Variants in ASTN2 observed in about 807,000 individuals in gnomAD.
ASTN2 encodes the protein astrotactin 2.
ASTN2 carries 54 observed loss-of-function variants against 139.8 expected under a neutral mutation model. The observed-to-expected ratio is 0.39, with a 90% CI of 0.31 to 0.48. The LOEUF is 0.48. ASTN2 is among the 20% of genes least tolerant of loss of function. ASTN2 has a pLI of 0.95. For missense variants in ASTN2, 1,565 were observed against 1,725.1 expected (o/e 0.91, Z 1.64); for synonymous variants, 756 against 719.5 (o/e 1.05, Z -0.81).
At chr9:117,142,550 C>G (rs1344966539) in intron 3 of ASTN2, among the ~76,000 whole-genome samples, 1 of 152,106 alleles carries the variant, frequency 6.6e-6, no homozygotes, top group Non-Finnish European at 1.5e-5. Flanking sequence ...AACACCTTGT[C>G]CAATATTCCG....
At chr9:117,001,200 G>C (rs78135233) in intron 7 of ASTN2, among the ~76,000 whole-genome samples, 7 of 152,128 alleles carry the variant, frequency 4.6e-5, no homozygotes, top group African/African-American at 1.7e-4. Flanking sequence ...TTTAAGGAAT[G>C]ATAACCAGTG....
At chr9:117,095,054 C>G (rs923925076) in intron 5 of ASTN2, among the ~76,000 whole-genome samples, 6 of 152,332 alleles carry the variant, frequency 3.9e-5, no homozygotes, top group African/African-American at 1.4e-4. Context: ...AGCTACTTCT[C>G]AGCACACCTC....
chr9:116,679,831 C>A (rs1859734256), intron 16 of ASTN2, among the ~76,000 whole-genome samples: 1 of 152,050 alleles, frequency 6.6e-6, no homozygotes, highest in South Asian at 2.1e-4. Flanking sequence ...CCAATGAGAA[C>A]AAAGACACAA....
At chr9:116,863,502 G>A (rs140655605) in intron 11 of ASTN2, 81 bp downstream of exon 11, 17 of 1,538,466 alleles carry the variant, frequency 1.1e-5, no homozygotes, top group South Asian at 7.5e-5. Context: ...CCTTACCAGC[G>A]TTCCCTCGCA....
intron 4 of ASTN2, among the ~76,000 whole-genome samples, chr9:117,128,672 A>G (rs1829759877): frequency 6.6e-6 from 1 of 152,248 alleles, no homozygotes. Context: ...AGCTTGGCCT[A>G]TGCCTAGGGT....
chr9:117,149,086 CT>C (rs1830268606), intron 3 of ASTN2, among the ~76,000 whole-genome samples: 1 of 151,856 alleles, frequency 6.6e-6, no homozygotes, highest in African/African-American at 2.4e-5. Context: ...ATGGCATGAT[CT>C]CAGCTCACTG....
chr9:117,234,916 G>C (rs768399305), intron 2 of ASTN2, among the ~76,000 whole-genome samples: 1 of 152,128 alleles, frequency 6.6e-6, no homozygotes, highest in Non-Finnish European at 1.5e-5. Flanking sequence ...GTAAGCAATC[G>C]GTGTCTGCTG....
chr9:116,513,332 A>G (rs1341136434), intron 19 of ASTN2, among the ~76,000 whole-genome samples: 2 of 151,994 alleles, frequency 1.3e-5, no homozygotes, highest in African/African-American at 4.8e-5. Context: ...ATTGGCCCCC[A>G]CTCTCTTCTG....
intron 16 of ASTN2, among the ~76,000 whole-genome samples, chr9:116,692,444 G>A (rs1247257652): frequency 2.0e-5 from 3 of 152,132 alleles, no homozygotes; most frequent in Admixed American, 2.0e-4. Flanking sequence ...TGCATGCCTG[G>A]CTTGGTACTG....
chr9:117,238,620 G>A (rs571502112), intron 2 of ASTN2, among the ~76,000 whole-genome samples: 1 of 152,312 alleles, frequency 6.6e-6, no homozygotes, highest in South Asian at 2.1e-4. Context: ...ATGAGAAACT[G>A]ATTATTCCTT....
chr9:117,080,549 G>A (rs1052148426), intron 5 of ASTN2, among the ~76,000 whole-genome samples: 8 of 152,286 alleles, frequency 5.3e-5, no homozygotes, highest in African/African-American at 1.7e-4. Context: ...AAGAAAGAGT[G>A]TGCAGGAAAT....
chr9:116,623,570 C>T (rs1034329432), intron 17 of ASTN2, among the ~76,000 whole-genome samples: 1 of 152,148 alleles, frequency 6.6e-6, no homozygotes, highest in African/African-American at 2.4e-5. Context: ...ATAGAATGTT[C>T]CAGCTTCACA....
intron 6 of ASTN2, among the ~76,000 whole-genome samples, chr9:117,026,092 A>AT (rs1258068558): frequency 6.6e-6 from 1 of 150,746 alleles, no homozygotes; most frequent in African/African-American, 2.4e-5. Context: ...AGTTGCTTGT[A>AT]TTTTTTTCTT....
At chr9:116,722,294 TCAGA>T (rs1221316669) in intron 16 of ASTN2, among the ~76,000 whole-genome samples, 12 of 122,952 alleles carry the variant, frequency 9.8e-5, no homozygotes, top group Admixed American at 9.6e-4. Context: ...TGGGAAATGT[TCAGA>T]CAATCAATGA....
chr9:117,012,807 A>T (rs1837571819), intron 6 of ASTN2, among the ~76,000 whole-genome samples: 1 of 152,126 alleles, frequency 6.6e-6, no homozygotes, highest in South Asian at 2.1e-4. Context: ...ACTACTCTTA[A>T]TCTCTTTATT....
At chr9:117,245,856 C>A (rs1833365159) in intron 2 of ASTN2, among the ~76,000 whole-genome samples, 1 of 152,136 alleles carries the variant, frequency 6.6e-6, no homozygotes, top group African/African-American at 2.4e-5. Flanking sequence ...TAGGTCTCTG[C>A]TGCCTTCTGG....
chr9:117,052,851 C>A (rs1029515326), intron 5 of ASTN2, among the ~76,000 whole-genome samples: 8 of 152,126 alleles, frequency 5.3e-5, no homozygotes, highest in Non-Finnish European at 1.2e-4. Context: ...GCTGGTCATG[C>A]GATTCAAAAC....
intron 1 of ASTN2, among the ~76,000 whole-genome samples, chr9:117,296,202 C>T (rs1208700240): frequency 7.0e-6 from 1 of 143,750 alleles, no homozygotes; most frequent in Admixed American, 7.3e-5. Context: ...CACTTGAACC[C>T]GGGAGGTGGA....
At chr9:117,081,239 CATGACAA>C (rs547464708) in intron 5 of ASTN2, among the ~76,000 whole-genome samples, 1 of 152,222 alleles carries the variant, frequency 6.6e-6, no homozygotes, top group Non-Finnish European at 1.5e-5. Context: ...CAGCTGTTCT[CATGACAA>C]ATGCCCCTGG....
Sources: gnomAD v4.1 joint callset for allele counts (sites outside exome capture counted in the v4.1 genomes callset) on GRCh38, gnomAD v4.1.1 for gene constraint, MANE v1.5 for transcripts, NCBI Gene and HGNC (gene_info 2026-07-23, HGNC 2026-07-21) for gene names.